SSBP3: variants seen among roughly 807,000 people sequenced by gnomAD.
SSBP3 encodes single stranded DNA binding protein 3.
In SSBP3, 5 loss-of-function variants were observed where a neutral mutation model predicts 69.6. The observed-to-expected ratio is 0.07, with a 90% confidence interval of 0.04 to 0.15. The LOEUF is 0.15. SSBP3 is among the 10% of genes least tolerant of loss of function. The pLI is 1.00. For synonymous variants in SSBP3, 196 were observed against 193.4 expected (o/e 1.01, Z -0.11); for missense variants, 312 against 534.0 (o/e 0.58, Z 4.10).
chr1:54,348,251 G>GT (rs1646722514), intron 4 of SSBP3, among the ~76,000 whole-genome samples: 2 of 72,034 alleles, frequency 2.8e-5, no homozygotes, highest in African/African-American at 1.3e-4. Context: ...GGGGGGCGGG[G>GT]GGGGGGGGGC....
At chr1:54,369,208 C>T (rs116314325) in intron 4 of SSBP3, among the ~76,000 whole-genome samples, 1 of 132,400 alleles carries the variant, frequency 7.6e-6, no homozygotes, top group East Asian at 2.3e-4. Context: ...GGGAAAAAGT[C>T]CTCTTGAGTC....
chr1:54,322,450 T>C (rs1646230396), intron 4 of SSBP3, among the ~76,000 whole-genome samples: 1 of 152,106 alleles, frequency 6.6e-6, no homozygotes, highest in South Asian at 2.1e-4. Context: ...TTGGGAGTTC[T>C]TGGGCCAGGA....
chr1:54,394,713 T>C (rs932785095), intron 4 of SSBP3, among the ~76,000 whole-genome samples: 7 of 144,422 alleles, frequency 4.8e-5, no homozygotes, highest in African/African-American at 1.8e-4. Context: ...TTTTTTTTTT[T>C]TTTTTTTGAG....
chr1:54,229,960 G>A (rs888691554), intron 14 of SSBP3, among the ~76,000 whole-genome samples: 2 of 152,238 alleles, frequency 1.3e-5, no homozygotes, highest in South Asian at 2.1e-4. Context: ...AATCAGAACC[G>A]GCTGCCTGGA....
intron 4 of SSBP3, among the ~76,000 whole-genome samples, chr1:54,348,247 C>CGGGGG (rs34214298): frequency 8.6e-4 from 34 of 39,376 alleles, no homozygotes; most frequent in Admixed American, 1.2e-3. Flanking sequence ...GCATGGGGGG[C>CGGGGG]GGGGGGGGGG....
chr1:54,327,288 A>G (rs538431933), intron 4 of SSBP3, among the ~76,000 whole-genome samples: 1 of 151,234 alleles, frequency 6.6e-6, no homozygotes, highest in East Asian at 2.0e-4. Flanking sequence ...AACAAGAACA[A>G]CAACAAAAAA....
chr1:54,362,961 G>T (rs1349483512), intron 4 of SSBP3, among the ~76,000 whole-genome samples: 1 of 152,098 alleles, frequency 6.6e-6, no homozygotes, highest in African/African-American at 2.4e-5. Flanking sequence ...TCTCACGGGG[G>T]GCGGGGCAGA....
At chr1:54,361,321 A>T (rs1054282943) in intron 4 of SSBP3, among the ~76,000 whole-genome samples, 3 of 152,208 alleles carry the variant, frequency 2.0e-5, no homozygotes, top group African/African-American at 7.2e-5. Context: ...CTAACTATAA[A>T]GAGGTAAATT....
At chr1:54,294,155 A>AGAAAG (rs1240831618) in intron 4 of SSBP3, among the ~76,000 whole-genome samples, 4 of 101,458 alleles carry the variant, frequency 3.9e-5, no homozygotes, top group African/African-American at 1.3e-4. Context: ...AAAAAAAAAA[A>AGAAAG]AAAAAAAGAA....
intron 4 of SSBP3, among the ~76,000 whole-genome samples, chr1:54,396,649 CTCTGAGTGCTGGCTGGCACAG>C (rs1648908740): frequency 6.6e-6 from 1 of 152,156 alleles, no homozygotes; most frequent in African/African-American, 2.4e-5. Context: ...TCCCAGCTCC[CTCTGAGTGCTGGCTGGCACAG>C]AGCTAACTCT....
chr1:54,369,064 A>C (rs1647076749), intron 4 of SSBP3, among the ~76,000 whole-genome samples: 1 of 152,230 alleles, frequency 6.6e-6, no homozygotes, highest in Non-Finnish European at 1.5e-5. Flanking sequence ...TTGCACTTCC[A>C]CGTAAGACTT....
intron 4 of SSBP3, among the ~76,000 whole-genome samples, chr1:54,349,776 C>T (rs1210767647): frequency 3.3e-5 from 5 of 152,050 alleles, no homozygotes; most frequent in East Asian, 1.9e-4. Flanking sequence ...AAATGCCTCC[C>T]GCTTCAGCTG....
rs78409192 is a variant in SSBP3, at chr1:54,281,822, T to C, written c.277-295A>G. Among the ~76,000 whole-genome samples the C allele has an allele frequency of 3.5e-3, 534 of 152,120 alleles. 11 individuals are homozygous for C. In the South Asian group the frequency reaches 0.049, roughly 14 times the overall value. On this transcript the variant is annotated intron_variant, in intron 4 of 17. Coordinates refer to ENST00000610401, the Ensembl canonical transcript of SSBP3. ...TCATCTCTAAAATGGGAGGGCCGGA[T>C]GTGGTGGCTCACAACTAAAATCCCA...
chr1:54,238,390 G>C (rs961864466), intron 14 of SSBP3: 1 of 463,818 alleles, frequency 2.2e-6, no homozygotes, highest in African/African-American at 2.0e-5. Flanking sequence ...GGGCAAGGCT[G>C]AACAGGTTCA....
At chr1:54,249,399 T>C (rs1445192281) in intron 9 of SSBP3, among the ~76,000 whole-genome samples, 1 of 152,154 alleles carries the variant, frequency 6.6e-6, no homozygotes, top group Non-Finnish European at 1.5e-5. Flanking sequence ...AGCATCACAT[T>C]GAGAACTTGA....
intron 4 of SSBP3, among the ~76,000 whole-genome samples, chr1:54,344,979 T>A (rs979553698): frequency 6.6e-6 from 1 of 152,254 alleles, no homozygotes; most frequent in African/African-American, 2.4e-5. Context: ...CTCACAGCAC[T>A]GAGGAGACGT....
intron 4 of SSBP3, among the ~76,000 whole-genome samples, chr1:54,314,021 C>T (rs1297608936): frequency 6.6e-6 from 1 of 152,200 alleles, no homozygotes; most frequent in Non-Finnish European, 1.5e-5. Flanking sequence ...GCCTCGGCCT[C>T]CCAAAGTGCT....
At chr1:54,262,519 G>C (rs892925582) in intron 5 of SSBP3, among the ~76,000 whole-genome samples, 1 of 152,212 alleles carries the variant, frequency 6.6e-6, no homozygotes. Flanking sequence ...CCCCATGCTG[G>C]GGTCTGGAGG....
At chr1:54,401,413 GA>G (rs1362418429) in intron 4 of SSBP3, among the ~76,000 whole-genome samples, 1 of 151,608 alleles carries the variant, frequency 6.6e-6, no homozygotes, top group Non-Finnish European at 1.5e-5. Context: ...CCCATAATTT[GA>G]AAGATCGCTC....
Sources: allele counts gnomAD v4.1 joint callset (sites outside exome capture counted in the v4.1 genomes callset), GRCh38; gene constraint gnomAD v4.1.1; transcripts MANE v1.5; gene names NCBI Gene and HGNC (gene_info 2026-07-23, HGNC 2026-07-21).